Variants in TMCC3 observed in about 807,000 individuals in gnomAD.
TMCC3 encodes the protein transmembrane and coiled-coil domain protein 3.
A neutral mutation model predicts 40.2 loss-of-function variants in TMCC3; 28 were observed. That is an observed-to-expected ratio of 0.70 (90% CI 0.52 to 0.95). The LOEUF (loss-of-function observed/expected upper bound fraction) is 0.95, where lower values mean the gene tolerates loss of function less well. Ranked by LOEUF, TMCC3 falls within the 40% of genes least tolerant of loss-of-function variation. TMCC3 has a pLI of 0.00. For synonymous variants in TMCC3, 255 were observed against 248.5 expected, an observed-to-expected ratio of 1.03 and a Z score of -0.25; for missense variants, 554 against 615.2, an observed-to-expected ratio of 0.90 and a Z score of 1.05.
chr12:94,593,377 AGAAAAGAAAGAAGAAAG>A (rs1566320500), intron 1 of TMCC3, among the ~76,000 whole-genome samples: 22 of 70,018 alleles, frequency 3.1e-4, no homozygotes, highest in Non-Finnish European at 5.2e-4. Flanking sequence ...AAAAAAGAAA[AGAAAAGAAAGAAGAAAG>A]AAGAAAGAAG....
intron 1 of TMCC3, among the ~76,000 whole-genome samples, chr12:94,588,349 C>G (rs2068650570): frequency 6.6e-6 from 1 of 152,170 alleles, no homozygotes. Flanking sequence ...CCTGGAACGA[C>G]AGGGACTGAG....
chr12:94,588,709 T>C (rs952942423), intron 1 of TMCC3, among the ~76,000 whole-genome samples: 1 of 152,216 alleles, frequency 6.6e-6, no homozygotes, highest in African/African-American at 2.4e-5. Context: ...ATTAATCACT[T>C]TAGCTGAACT....
intron 1 of TMCC3, among the ~76,000 whole-genome samples, chr12:94,597,647 A>C (rs936110207): frequency 1.3e-5 from 2 of 152,010 alleles, no homozygotes; most frequent in Non-Finnish European, 2.9e-5. Context: ...CTCTACTAAA[A>C]ATACAAAAAC....
At chr12:94,615,869 A>T (rs966782734) in intron 1 of TMCC3, 4 of 947,096 alleles carry the variant, frequency 4.2e-6, no homozygotes, top group Non-Finnish European at 5.0e-6. Context: ...ACAAAGCTCC[A>T]CAATACATAT....
chr12:94,600,341 A>G (rs1286809118), intron 1 of TMCC3, among the ~76,000 whole-genome samples: 3 of 135,546 alleles, frequency 2.2e-5, no homozygotes, highest in Non-Finnish European at 4.5e-5. Context: ...CTCATTTCCT[A>G]TCTCACCTAT....
At chr12:94,591,544 T>G (rs11835238) in intron 1 of TMCC3, among the ~76,000 whole-genome samples, 96,089 of 151,838 alleles carry the variant, frequency 0.63, 30,449 homozygotes, top group Admixed American at 0.66. Flanking sequence ...TAGCCCAGGA[T>G]TTCGAAACCA....
intron 1 of TMCC3, among the ~76,000 whole-genome samples, chr12:94,627,651 T>C (rs2068910925): frequency 6.6e-6 from 1 of 152,222 alleles, no homozygotes; most frequent in South Asian, 2.1e-4. Flanking sequence ...TTTCCTGCCC[T>C]GGAATGTTCC....
Position 94,607,022 on chromosome 12 carries a change from A to G in TMCC3, c.79-24484T>C, listed in dbSNP as rs2068787548. ...GTATTTCAGTCCTTATCTAAATTGC[A>G]TAAGACAGACACTCCCAGAGTGGCC... On this transcript the variant is annotated intron_variant, in intron 1 of 3. Coordinates refer to ENST00000261226, the MANE Select transcript of TMCC3 (RefSeq NM_020698.4). Among the ~76,000 whole-genome samples, 3 of 152,230 alleles carry G rather than the reference A, an allele frequency of 2.0e-5. No individual in the cohort carries two copies. In the South Asian group the frequency reaches 6.2e-4, roughly 31 times the overall value.
intron 1 of TMCC3, among the ~76,000 whole-genome samples, chr12:94,624,928 G>A (rs2068895488): frequency 6.6e-6 from 1 of 151,442 alleles, no homozygotes. Context: ...ATCACTTGAG[G>A]TCAGGAGTTC....
intron 3 of TMCC3, among the ~76,000 whole-genome samples, chr12:94,577,159 C>A (rs770542110): frequency 6.6e-6 from 1 of 152,152 alleles, no homozygotes; most frequent in Non-Finnish European, 1.5e-5. Flanking sequence ...TAATTTCTTA[C>A]AAATACGAAT....
At chr12:94,597,149 ATATATATATGTATATAAAT>A (rs2068721515) in intron 1 of TMCC3, among the ~76,000 whole-genome samples, 8 of 14,894 alleles carry the variant, frequency 5.4e-4, no homozygotes, top group South Asian at 1.4e-3. Context: ...ATATATATAT[ATATATATATGTATATAAAT>A]TAGCCAGGCC....
Position 94,607,132 on chromosome 12 carries a change from C to T in TMCC3, c.79-24594G>A, listed in dbSNP as rs140679389. On this transcript the variant is annotated intron_variant, in intron 1 of 3. Coordinates refer to ENST00000261226, the MANE Select transcript of TMCC3 (RefSeq NM_020698.4). ...TAATTCAGCGATACCCTCTTACTTGCACATCCATTTATAGGCTCTCTGCAA... is the reference window on the plus strand; with the variant it reads ...TAATTCAGCGATACCCTCTTACTTGTACATCCATTTATAGGCTCTCTGCAA... Among the ~76,000 whole-genome samples the T allele has an allele frequency of 7.8e-3, 1,189 of 152,324 alleles. 7 individuals are homozygous for T. Among genetic ancestry groups the T allele is most frequent in the Non-Finnish European group, 0.011 (774 of 68,030 alleles).
chr12:94,611,096 C>T lies in TMCC3; in HGVS notation c.79-28558G>A, dbSNP rs1428945639. Among the ~76,000 whole-genome samples the T allele has an allele frequency of 5.9e-5, 9 of 152,226 alleles. No individual in the cohort carries two copies. In the East Asian group the frequency reaches 1.7e-3, roughly 29 times the overall value. On this transcript the variant is annotated intron_variant, in intron 1 of 3. Coordinates refer to ENST00000261226, the MANE Select transcript of TMCC3 (RefSeq NM_020698.4). ...TCTCCTCCAGTGACCTATGATTTTA[C>T]TAACAGTAGCAAAATAAATAATCTA...
Position 94,616,375 on chromosome 12 carries a change from A to C in TMCC3, c.79-33837T>G, listed in dbSNP as rs1167507619. 3 of 152,504 alleles carry C rather than the reference A, an allele frequency of 2.0e-5. No individual in the cohort carries two copies. In the East Asian group the frequency reaches 5.8e-4, roughly 29 times the overall value. 9.4% of individuals were successfully genotyped at this position (152,504 alleles called of 1,614,324 possible). On this transcript the variant is annotated intron_variant, in intron 1 of 3. Coordinates refer to ENST00000261226, the MANE Select transcript of TMCC3 (RefSeq NM_020698.4). ...CTTGTTAGGCAGAGCAAATGCCAGC[A>C]GTGGACTGGGCACAGTAAACACCAA...
chr12:94,598,301 T>C (rs1429603857), intron 1 of TMCC3, among the ~76,000 whole-genome samples: 1 of 152,208 alleles, frequency 6.6e-6, no homozygotes, highest in Non-Finnish European at 1.5e-5. Context: ...AAACCATTTA[T>C]CATACATATA....
chr12:94,650,422 G>A lies in TMCC3; in HGVS notation c.9C>T (p.Gly3=), dbSNP rs372162484. MP[G]SDTALTVDRT... The stretch of plus-strand genomic sequence containing the variant: ...GGTCCACGGTGAGCGCCGTGTCGCT[G>A]CCCGGCATCTCCGCGCTCCGGCCGC... The change falls in exon 1 of 4, where the codon GGC becomes GGT. Residue 3 remains glycine (G), a synonymous_variant. Transcript: ENST00000261226. The A allele has an allele frequency of 2.3e-6, 3 of 1,300,664 alleles. No individual in the cohort carries two copies. Among genetic ancestry groups the A allele is most frequent in the Non-Finnish European group, 2.9e-6 (3 of 1,019,410 alleles). The allele number at this position is 1,300,664 out of a possible 1,614,324, so 80.6% of individuals were successfully genotyped here. A position where few individuals can be genotyped will look rare whatever the true frequency, so the allele number is the denominator to read the frequency against.
At chr12:94,583,580 G>A (rs2068620572) in intron 1 of TMCC3, among the ~76,000 whole-genome samples, 1 of 152,178 alleles carries the variant, frequency 6.6e-6, no homozygotes, top group South Asian at 2.1e-4. Flanking sequence ...GGGCCATTTA[G>A]GGAAAAGAAC....
chr12:94,578,163 A>AAAAAAG (rs1268601179), intron 3 of TMCC3, among the ~76,000 whole-genome samples: 35 of 149,688 alleles, frequency 2.3e-4, no homozygotes, highest in Non-Finnish European at 3.9e-4. Flanking sequence ...AAAAAAAAAA[A>AAAAAAG]AAAAAGAAAA....
At chr12:94,616,261 A>G (rs2068847631) in intron 1 of TMCC3, 1 of 184,372 alleles carries the variant, frequency 5.4e-6, no homozygotes, top group African/African-American at 2.4e-5. Context: ...GGCGCCTGCT[A>G]TCAATCACCC....
Sources: gnomAD v4.1 joint callset for allele counts (sites outside exome capture counted in the v4.1 genomes callset) on GRCh38, gnomAD v4.1.1 for gene constraint, MANE v1.5 for transcripts, NCBI Gene and HGNC (gene_info 2026-07-23, HGNC 2026-07-21) for gene names.